ZNF385D: variants seen among roughly 807,000 people sequenced by gnomAD.
ZNF385D encodes the protein zinc finger protein 659.
A neutral mutation model predicts 35.8 loss-of-function variants in ZNF385D; 15 were observed. That is an observed-to-expected ratio of 0.42 (90% confidence interval 0.28 to 0.64). The LOEUF (loss-of-function observed/expected upper bound fraction) is 0.64. Ranked by LOEUF, ZNF385D falls within the 30% of genes least tolerant of loss-of-function variation. The pLI is 0.23. For missense variants in ZNF385D, 474 were observed against 494.6 expected (o/e 0.96, Z 0.39); for synonymous variants, 212 against 186.8 (o/e 1.13, Z -1.10).
At chr3:21,438,950 C>A (rs1448598889) in intron 4 of ZNF385D, among the ~76,000 whole-genome samples, 1 of 151,868 alleles carries the variant, frequency 6.6e-6, no homozygotes, top group Non-Finnish European at 1.5e-5. Context: ...ATCTTGAGAA[C>A]CTAGAGATGG....
intron 2 of ZNF385D, among the ~76,000 whole-genome samples, chr3:22,304,608 C>T (rs1233027740): frequency 6.6e-6 from 1 of 152,068 alleles, no homozygotes; most frequent in Non-Finnish European, 1.5e-5. Flanking sequence ...TTTTCCAGCA[C>T]CAATTTTGAT....
chr3:21,947,592 C>A (rs1045169545), intron 3 of ZNF385D, among the ~76,000 whole-genome samples: 3 of 152,114 alleles, frequency 2.0e-5, no homozygotes, highest in Non-Finnish European at 4.4e-5. Flanking sequence ...CCTCACGAAC[C>A]GCCCACATTG....
intron 3 of ZNF385D, among the ~76,000 whole-genome samples, chr3:22,101,372 C>CA (rs1309343300): frequency 1.3e-5 from 2 of 151,910 alleles, no homozygotes; most frequent in African/African-American, 2.4e-5. Context: ...AAGGTGCTGG[C>CA]AAAAAACCAA....
chr3:21,689,968 G>T (rs189555358), intron 1 of ZNF385D, among the ~76,000 whole-genome samples: 1 of 151,422 alleles, frequency 6.6e-6, no homozygotes. Flanking sequence ...AACTCTTAAT[G>T]AGTGCAAGTG....
intron 3 of ZNF385D, among the ~76,000 whole-genome samples, chr3:21,917,814 T>A (rs952304334): frequency 6.6e-6 from 1 of 152,248 alleles, no homozygotes; most frequent in Non-Finnish European, 1.5e-5. Flanking sequence ...CTATGCTTTT[T>A]CTTTTTTCCA....
At chr3:21,574,845 G>A (rs998944636) in intron 2 of ZNF385D, among the ~76,000 whole-genome samples, 48 of 152,030 alleles carry the variant, frequency 3.2e-4, no homozygotes. Context: ...TAAATTGATT[G>A]TGGATGCAAA....
chr3:22,236,873 T>C (rs979806168), intron 2 of ZNF385D, among the ~76,000 whole-genome samples: 1 of 152,218 alleles, frequency 6.6e-6, no homozygotes, highest in Admixed American at 6.5e-5. Context: ...TTCAATTTGA[T>C]TTATGGTTGA....
chr3:22,243,937 T>C (rs1247426994), intron 2 of ZNF385D, among the ~76,000 whole-genome samples: 1 of 150,832 alleles, frequency 6.6e-6, no homozygotes, highest in Non-Finnish European at 1.5e-5. Flanking sequence ...AATTTACCCA[T>C]TATATATTTC....
At chr3:22,160,689 C>T (rs1170246681) in intron 3 of ZNF385D, among the ~76,000 whole-genome samples, 1 of 151,984 alleles carries the variant, frequency 6.6e-6, no homozygotes, top group Non-Finnish European at 1.5e-5. Flanking sequence ...TTATGTGCTA[C>T]AAAACAATGA....
At chr3:21,830,462 G>C (rs1559668537) in intron 3 of ZNF385D, among the ~76,000 whole-genome samples, 1 of 152,298 alleles carries the variant, frequency 6.6e-6, no homozygotes, top group East Asian at 1.9e-4. Context: ...CATCTTATTT[G>C]ATGCCATATT....
Position 21,650,808 on chromosome 3 carries a change from G to A in ZNF385D, c.165+14078C>T, listed in dbSNP as rs142498005. Among the ~76,000 whole-genome samples, 590 of 152,220 alleles carry A rather than the reference G, an allele frequency of 3.9e-3. 7 individuals are homozygous for A. Among genetic ancestry groups the A allele is most frequent in the African/African-American group, 0.014 (569 of 41,528 alleles). ...GACTAACAGTTTCTGAGACCAGTGT[G>A]TTTGGCCTTAAATAGAGTGGAAGTT... On this transcript the variant is annotated intron_variant, in intron 2 of 7. Coordinates refer to ENST00000281523, the MANE Select transcript of ZNF385D (RefSeq NM_024697.3).
At chr3:21,487,556 T>C (rs955987451) in intron 4 of ZNF385D, among the ~76,000 whole-genome samples, 3 of 152,120 alleles carry the variant, frequency 2.0e-5, no homozygotes, top group Non-Finnish European at 2.9e-5. Flanking sequence ...CACCATATAA[T>C]ATACTCATGC....
At chr3:22,330,329 AC>A (rs1364273555) in intron 2 of ZNF385D, among the ~76,000 whole-genome samples, 1 of 152,180 alleles carries the variant, frequency 6.6e-6, no homozygotes, top group South Asian at 2.1e-4. Flanking sequence ...AAATTCATGT[AC>A]TAACTGCTGA....
At chr3:21,606,754 C>T (rs180950276) in intron 2 of ZNF385D, among the ~76,000 whole-genome samples, 1 of 152,306 alleles carries the variant, frequency 6.6e-6, no homozygotes, top group East Asian at 1.9e-4. Context: ...GACCTTTCCA[C>T]CCCATTGTCA....
At chr3:21,823,044 A>C (rs1193141200) in intron 3 of ZNF385D, among the ~76,000 whole-genome samples, 3 of 152,024 alleles carry the variant, frequency 2.0e-5, no homozygotes, top group African/African-American at 4.8e-5. Context: ...AAATATCATA[A>C]TTTTCTATTT....
At chr3:22,010,615 T>C (rs61692515) in intron 3 of ZNF385D, among the ~76,000 whole-genome samples, 5,185 of 152,256 alleles carry the variant, frequency 0.034, 300 homozygotes, top group African/African-American at 0.12. Context: ...ACTCTTCTGA[T>C]TGTCTCTGAA....
intron 3 of ZNF385D, among the ~76,000 whole-genome samples, chr3:21,900,273 C>T (rs537723561): frequency 1.2e-4 from 19 of 152,134 alleles, no homozygotes; most frequent in African/African-American, 4.6e-4. Context: ...AAATTTAACT[C>T]TAGTTGGATA....
intron 2 of ZNF385D, among the ~76,000 whole-genome samples, chr3:22,201,793 G>A (rs1696817413): frequency 6.6e-6 from 1 of 151,456 alleles, no homozygotes; most frequent in African/African-American, 2.4e-5. Context: ...ACAACTGAAT[G>A]TGTGTGTATA....
chr3:21,786,899 T>A (rs187016946), intron 3 of ZNF385D, among the ~76,000 whole-genome samples: 1 of 152,174 alleles, frequency 6.6e-6, no homozygotes, highest in South Asian at 2.1e-4. Flanking sequence ...ATTATATTAT[T>A]TGGGGAATTA....
Sources: allele counts gnomAD v4.1 joint callset (sites outside exome capture counted in the v4.1 genomes callset), GRCh38; gene constraint gnomAD v4.1.1; transcripts MANE v1.5; gene names NCBI Gene and HGNC (gene_info 2026-07-23, HGNC 2026-07-21).